PAK5: variants seen among roughly 807,000 people sequenced by gnomAD.
PAK5 encodes the protein serine/threonine-protein kinase PAK 5.
A neutral mutation model predicts 65.9 loss-of-function variants in PAK5; 16 were observed. That is an observed-to-expected ratio of 0.24 (90% CI 0.16 to 0.37). PAK5 has a LOEUF of 0.37. Ranked by LOEUF, PAK5 falls within the 10% of genes least tolerant of loss-of-function variation. The pLI, the probability that PAK5 is intolerant of heterozygous loss-of-function variation, is 1.00. For synonymous variants in PAK5, 371 were observed against 354.9 expected (o/e 1.05, Z -0.51); for missense variants, 785 against 903.9 (o/e 0.87, Z 1.69).
chr20:9,685,712 T>C (rs989781579), intron 2 of PAK5, among the ~76,000 whole-genome samples: 1 of 152,220 alleles, frequency 6.6e-6, no homozygotes, highest in African/African-American at 2.4e-5. Flanking sequence ...GATAACAGTA[T>C]CTGTATAATT....
chr20:9,640,200 TC>T (rs1228751966), intron 3 of PAK5, among the ~76,000 whole-genome samples: 4 of 79,042 alleles, frequency 5.1e-5, no homozygotes, highest in East Asian at 9.1e-4. Flanking sequence ...ATGCTATCCC[TC>T]CCCCCTCCCC....
intron 2 of PAK5, among the ~76,000 whole-genome samples, chr20:9,703,713 A>G (rs1328834354): frequency 6.6e-6 from 1 of 151,706 alleles, no homozygotes; most frequent in African/African-American, 2.4e-5. Flanking sequence ...TGCCATCCCC[A>G]GTGAAGTCAA....
intron 1 of PAK5, among the ~76,000 whole-genome samples, chr20:9,767,862 A>G (rs2048787107): frequency 6.6e-6 from 1 of 152,186 alleles, no homozygotes; most frequent in Non-Finnish European, 1.5e-5. Context: ...CTAGGTGCCC[A>G]TCAATGGTGG....
chr20:9,565,875 C>A lies in PAK5; in HGVS notation c.1482+18G>T, dbSNP rs2122991111. 15 of 1,596,054 alleles carry A rather than the reference C, an allele frequency of 9.4e-6. No homozygotes were observed. Among genetic ancestry groups the A allele is most frequent in the Non-Finnish European group, 1.3e-5 (15 of 1,168,566 alleles). ...ATGTTACAAAGGAGAGAAAGGATGA[C>A]CCAAACACACTCTTTACCTCATTGA... On this transcript the variant is annotated intron_variant, in intron 5 of 9. Transcript: ENST00000353224.
chr20:9,802,910 G>GTATATATATATATATATATA (rs57705525), intron 1 of PAK5, among the ~76,000 whole-genome samples: 2,414 of 46,116 alleles, frequency 0.052, 247 homozygotes, highest in South Asian at 0.12. Context: ...ATATGTATGT[G>GTATATATATATATATATATA]TATATATATA....
chr20:9,623,602 A>T (rs558100223), intron 3 of PAK5, among the ~76,000 whole-genome samples: 120 of 152,340 alleles, frequency 7.9e-4, no homozygotes, highest in Non-Finnish European at 1.4e-3. Flanking sequence ...GCTTACAGAT[A>T]CCCAAATAAA....
intron 7 of PAK5, among the ~76,000 whole-genome samples, chr20:9,550,260 C>T (rs8117941): frequency 1.1e-3 from 167 of 152,190 alleles, no homozygotes; most frequent in African/African-American, 3.6e-3. Context: ...CCTTTTCACC[C>T]GTGAGTGAAG....
chr20:9,679,715 G>T (rs567948552), intron 2 of PAK5, among the ~76,000 whole-genome samples: 1 of 152,052 alleles, frequency 6.6e-6, no homozygotes, highest in Non-Finnish European at 1.5e-5. Flanking sequence ...AGAATAATAC[G>T]GTGCTCTCAT....
chr20:9,745,411 TC>T (rs1165300651), intron 1 of PAK5, among the ~76,000 whole-genome samples: 1 of 151,906 alleles, frequency 6.6e-6, no homozygotes, highest in African/African-American at 2.4e-5. Flanking sequence ...CATTGGTGAC[TC>T]AGTTTGTGAA....
At chr20:9,765,356 T>C (rs999139025) in intron 1 of PAK5, among the ~76,000 whole-genome samples, 3 of 152,178 alleles carry the variant, frequency 2.0e-5, no homozygotes, top group Non-Finnish European at 4.4e-5. Context: ...TAGTAGTTTA[T>C]TAATTTATTC....
At chr20:9,823,048 C>T (rs1285141764) in intron 1 of PAK5, among the ~76,000 whole-genome samples, 3 of 152,188 alleles carry the variant, frequency 2.0e-5, no homozygotes, top group African/African-American at 7.2e-5. Flanking sequence ...GAGTCTTTAG[C>T]AGGTGATCAG....
chr20:9,795,110 C>G (rs1174728447), intron 1 of PAK5, among the ~76,000 whole-genome samples: 1 of 151,988 alleles, frequency 6.6e-6, no homozygotes, highest in African/African-American at 2.4e-5. Flanking sequence ...TTGAATCTCT[C>G]CTAGGTACTC....
chr20:9,798,323 A>G (rs192649143), intron 1 of PAK5, among the ~76,000 whole-genome samples: 2 of 152,210 alleles, frequency 1.3e-5, no homozygotes, highest in African/African-American at 2.4e-5. Context: ...AAATTTGTGT[A>G]TTAATGGGAA....
intron 1 of PAK5, among the ~76,000 whole-genome samples, chr20:9,832,248 A>C (rs1032379608): frequency 6.6e-6 from 1 of 152,128 alleles, no homozygotes; most frequent in Non-Finnish European, 1.5e-5. Flanking sequence ...GTGTCAAATA[A>C]TTTAAACTTT....
At chr20:9,609,163 T>G (rs1360248556) in intron 3 of PAK5, among the ~76,000 whole-genome samples, 1 of 152,084 alleles carries the variant, frequency 6.6e-6, no homozygotes, top group Non-Finnish European at 1.5e-5. Context: ...GGAAAGCACT[T>G]TACACAGCCT....
intron 3 of PAK5, among the ~76,000 whole-genome samples, chr20:9,607,433 A>C (rs868588068): frequency 5.9e-5 from 9 of 152,220 alleles, no homozygotes; most frequent in African/African-American, 1.9e-4. Flanking sequence ...TTTCAATTGG[A>C]TCTTCATTAT....
chr20:9,777,619 T>C (rs1450174722), intron 1 of PAK5, among the ~76,000 whole-genome samples: 1 of 152,184 alleles, frequency 6.6e-6, no homozygotes, highest in South Asian at 2.1e-4. Context: ...CAACTACCTA[T>C]AGCAGGGCGG....
intron 7 of PAK5, among the ~76,000 whole-genome samples, chr20:9,552,248 G>A (rs1044512965): frequency 6.6e-6 from 1 of 152,184 alleles, no homozygotes; most frequent in Admixed American, 6.5e-5. Flanking sequence ...TGGACTTAGC[G>A]GGTCATGGGT....
At chr20:9,551,141 A>T (rs911817824) in intron 7 of PAK5, among the ~76,000 whole-genome samples, 1 of 152,230 alleles carries the variant, frequency 6.6e-6, no homozygotes, top group African/African-American at 2.4e-5. Context: ...AAAAGAACAT[A>T]ATTGCACACA....
Sources: gnomAD v4.1 joint callset for allele counts (sites outside exome capture counted in the v4.1 genomes callset) on GRCh38, gnomAD v4.1.1 for gene constraint, MANE v1.5 for transcripts, NCBI Gene and HGNC (gene_info 2026-07-23, HGNC 2026-07-21) for gene names.